Variants in SOCS5 observed in about 807,000 individuals in gnomAD.
SOCS5 encodes CIS-6.
SOCS5 carries 32 observed loss-of-function variants against 42.8 expected under a neutral mutation model. The observed-to-expected ratio is 0.75, with a 90% CI of 0.56 to 1.01. The LOEUF is 1.01. SOCS5 is among the 50% of genes least tolerant of loss of function. SOCS5 has a pLI of 0.00. For missense variants in SOCS5, 627 were observed against 653.0 expected, an observed-to-expected ratio of 0.96 and a Z score of 0.43; for synonymous variants, 283 against 229.6, an observed-to-expected ratio of 1.23 and a Z score of -2.10.
chr2:46,759,590 C>G lies in SOCS5; in HGVS notation c.1060C>G (p.Gln354Glu). Residue 354 changes from glutamine (Q) to glutamate (E), a missense_variant, in exon 2 of 2, where the codon CAG becomes GAG. Physicochemically the swap from Gln to Glu is conservative, Grantham distance 29. Around this residue, in one of 3 missense-constraint regions of SOCS5, gnomAD observed 340 missense variants for 367.6 expected, o/e 0.92. Transcript: ENST00000394861. ...SGDSHTHVSRQGAWKVHTQID... is the reference protein window; with the variant it reads ...SGDSHTHVSREGAWKVHTQID... ...AGACAGCCATACCCATGTTAGCAGA[C>G]AGGGAGCTTGGAAAGTCCACACACA... 6.2e-7 allele frequency: 1 copy of G among 1,613,952 alleles called. No individual in the cohort carries two copies. Among genetic ancestry groups the G allele is most frequent in the South Asian group, 1.1e-5 (1 of 91,070 alleles).
chr2:46,743,261 G>A (rs143302028), intron 1 of SOCS5, among the ~76,000 whole-genome samples: 168 of 152,270 alleles, frequency 1.1e-3, no homozygotes, highest in African/African-American at 3.9e-3. Context: ...ATAGAGTAAA[G>A]TGAAAGCAAG....
intron 1 of SOCS5, among the ~76,000 whole-genome samples, chr2:46,714,219 C>G (rs1000690162): frequency 6.6e-6 from 1 of 152,188 alleles, no homozygotes; most frequent in African/African-American, 2.4e-5. Context: ...GTTCTGTCAA[C>G]TATTGTGAGA....
At chr2:46,717,328 C>G (rs1672770363) in intron 1 of SOCS5, among the ~76,000 whole-genome samples, 1 of 151,990 alleles carries the variant, frequency 6.6e-6, no homozygotes, top group African/African-American at 2.4e-5. Flanking sequence ...GCTTGTTTTC[C>G]TTCTTTAGGG....
chr2:46,747,483 T>C (rs1003405526), intron 1 of SOCS5, among the ~76,000 whole-genome samples: 8 of 152,218 alleles, frequency 5.3e-5, no homozygotes, highest in Non-Finnish European at 1.5e-5. Context: ...CCCAAAGTGC[T>C]GAGATTACAG....
At chr2:46,722,321 C>T (rs142682598) in intron 1 of SOCS5, among the ~76,000 whole-genome samples, 77 of 93,558 alleles carry the variant, frequency 8.2e-4, no homozygotes, top group African/African-American at 4.0e-3. Flanking sequence ...TATACATTTG[C>T]CAGTCAAGGG....
At position 46,745,060 on chromosome 2, in the gene SOCS5, A is replaced by G. The variant is rs117918820; in HGVS notation, c.-12-13459A>G. On this transcript the variant is annotated intron_variant, in intron 1 of 1. Transcript: ENST00000394861. ...CAATAACAAAGGATTTTTACCCACTATGCTTCAAACAATTATGATGCAAAC... is the reference window on the plus strand; with the variant it reads ...CAATAACAAAGGATTTTTACCCACTGTGCTTCAAACAATTATGATGCAAAC... Among the ~76,000 whole-genome samples, 40 of 152,138 alleles carry G rather than the reference A, an allele frequency of 2.6e-4. No individual in the cohort carries two copies. In the East Asian group the frequency reaches 7.3e-3, roughly 28 times the overall value.
At chr2:46,710,941 A>T (rs900143630) in intron 1 of SOCS5, among the ~76,000 whole-genome samples, 1 of 152,180 alleles carries the variant, frequency 6.6e-6, no homozygotes, top group South Asian at 2.1e-4. Context: ...GTCATGCAGT[A>T]TGTACTCTTT....
chr2:46,744,369 A>T (rs1027999155), intron 1 of SOCS5, among the ~76,000 whole-genome samples: 1 of 152,204 alleles, frequency 6.6e-6, no homozygotes, highest in Admixed American at 6.5e-5. Context: ...AGAGCATAAC[A>T]TTAAGTTGTA....
At chr2:46,726,707 T>C (rs1321708365) in intron 1 of SOCS5, among the ~76,000 whole-genome samples, 1 of 151,210 alleles carries the variant, frequency 6.6e-6, no homozygotes, top group Non-Finnish European at 1.5e-5. Context: ...CATCCAGTGA[T>C]TAATTTCAGT....
intron 1 of SOCS5, among the ~76,000 whole-genome samples, chr2:46,709,300 T>C (rs1672563097): frequency 6.6e-6 from 1 of 152,214 alleles, no homozygotes. Context: ...GAGGCTGTAA[T>C]CTTTTCAGTT....
intron 1 of SOCS5, among the ~76,000 whole-genome samples, chr2:46,729,094 TG>T (rs1280796287): frequency 1.3e-5 from 2 of 152,252 alleles, no homozygotes; most frequent in African/African-American, 4.8e-5. Flanking sequence ...CATTTATCTG[TG>T]CTGTATAACT....
intron 1 of SOCS5, among the ~76,000 whole-genome samples, chr2:46,707,766 A>G (rs1672529325): frequency 6.6e-6 from 1 of 152,188 alleles, no homozygotes. Flanking sequence ...GCAAATACAA[A>G]TGCTCCTCGA....
intron 1 of SOCS5, among the ~76,000 whole-genome samples, chr2:46,706,714 A>G (rs941495160): frequency 6.6e-6 from 1 of 152,238 alleles, no homozygotes; most frequent in African/African-American, 2.4e-5. Flanking sequence ...TAGTAATGTG[A>G]AAAACATTAG....
Position 46,758,689 on chromosome 2 carries a change from G to A in SOCS5, c.159G>A (p.Gln53=). ...TCAGCATAGGAGACTCAACTCCTCA[G>A]CAACAAAGCAGTCCCTTAAGAGAAA... ...KNISIGDSTP[Q]QQSSPLRENI... Residue 53 remains glutamine, a synonymous_variant, in exon 2 of 2, where the codon CAG becomes CAA. Transcript: ENST00000394861. The A allele has an allele frequency of 6.2e-7, 1 of 1,614,166 alleles. No individual in the cohort carries two copies. The highest frequency in any genetic ancestry group is 1.7e-5 in the Admixed American group (1 of 60,032).
At chr2:46,727,311 C>G (rs1225633765) in intron 1 of SOCS5, among the ~76,000 whole-genome samples, 1 of 152,096 alleles carries the variant, frequency 6.6e-6, no homozygotes, top group Non-Finnish European at 1.5e-5. Flanking sequence ...GCTTTAAAGT[C>G]TTTGTCAGAT....
At chr2:46,726,860 G>A (rs988631778) in intron 1 of SOCS5, among the ~76,000 whole-genome samples, 3 of 150,734 alleles carry the variant, frequency 2.0e-5, no homozygotes, top group Non-Finnish European at 3.0e-5. Flanking sequence ...GGGTTCAAGC[G>A]ATTCTCCTGC....
intron 1 of SOCS5, among the ~76,000 whole-genome samples, chr2:46,706,432 T>C (rs1672464529): frequency 6.6e-6 from 1 of 152,198 alleles, no homozygotes; most frequent in African/African-American, 2.4e-5. Context: ...TGGTCGGCTT[T>C]GGTTGTCATT....
chr2:46,742,001 A>C (rs964328675), intron 1 of SOCS5, among the ~76,000 whole-genome samples: 3 of 152,220 alleles, frequency 2.0e-5, no homozygotes, highest in Non-Finnish European at 4.4e-5. Context: ...CTATGTTCTC[A>C]CATTAGTGTG....
chr2:46,703,204 G>A (rs1672383349), intron 1 of SOCS5, among the ~76,000 whole-genome samples: 1 of 152,192 alleles, frequency 6.6e-6, no homozygotes. Flanking sequence ...CAATGTTACT[G>A]TACTAGTAAT....
Sources: gnomAD v4.1 joint callset for allele counts (sites outside exome capture counted in the v4.1 genomes callset) on GRCh38, gnomAD v4.1.1 for gene constraint, gnomAD v4.1.1 regional missense constraint, MANE v1.5 for transcripts, NCBI Gene and HGNC (gene_info 2026-07-23, HGNC 2026-07-21) for gene names.